The following MID2 variants were observed in gnomAD, a reference collection of about 807,000 sequenced individuals.
MID2 encodes probable E3 ubiquitin-protein ligase MID2.
In MID2, 13 loss-of-function variants were observed where a neutral mutation model predicts 46.1. That is an observed-to-expected ratio of 0.28 (90% CI 0.18 to 0.45). The LOEUF (loss-of-function observed/expected upper bound fraction) is 0.45, where lower values mean the gene tolerates loss of function less well. MID2 is among the 20% of genes least tolerant of loss of function. The pLI is 1.00. For missense variants in MID2, 431 were observed against 575.4 expected (o/e 0.75, Z 2.57); for synonymous variants, 199 against 212.3 (o/e 0.94, Z 0.55).
At chrX:107,893,060 A>G (rs1456531821) in intron 3 of MID2, among the ~76,000 whole-genome samples, 1 of 112,945 alleles carries the variant, frequency 8.9e-6, no homozygotes, top group Non-Finnish European at 1.9e-5. Context: ...CCTGTAATGT[A>G]TCCACATAAA....
intron 1 of MID2, among the ~76,000 whole-genome samples, chrX:107,839,202 T>G (rs951646039): frequency 9.0e-6 from 1 of 111,477 alleles, no homozygotes; most frequent in African/African-American, 3.3e-5. Context: ...ATATTTTTCC[T>G]TAGTTAAAGA....
chrX:107,833,146 T>A (rs1400747993), intron 1 of MID2, among the ~76,000 whole-genome samples: 1 of 111,623 alleles, frequency 9.0e-6, no homozygotes, highest in Non-Finnish European at 1.9e-5. Flanking sequence ...GTTGTGTTTT[T>A]AGGAGCTAGT....
Position 107,850,189 on chromosome X carries a change from GAC to G in MID2, c.721-4393_721-4392del, listed in dbSNP as rs201492124. Among the ~76,000 whole-genome samples the G allele has an allele frequency of 5.0e-4, 51 of 101,896 alleles. 1 individual carries two copies. The highest frequency in any genetic ancestry group is 2.2e-3 in the East Asian group (7 of 3,214). The allele number at this position is 101,896 out of a possible 115,157, so 88.5% of individuals were successfully genotyped here. A position where few individuals can be genotyped will look rare whatever the true frequency, so the allele number is the denominator to read the frequency against. On this transcript the variant is annotated intron_variant, in intron 2 of 9. Transcript: ENST00000262843. ...AGACACACACATCCACACACACACA[GAC>G]ACACACACACACACACACACACACA...
chrX:107,896,498 C>T (rs1278035002), intron 3 of MID2: 1 of 112,971 alleles, frequency 8.9e-6, no homozygotes, highest in African/African-American at 3.2e-5. Context: ...AGAATGGCCA[C>T]ATGGCATAAT....
intron 3 of MID2, among the ~76,000 whole-genome samples, chrX:107,867,560 G>A (rs1323263724): frequency 8.9e-6 from 1 of 111,733 alleles, no homozygotes; most frequent in Non-Finnish European, 1.9e-5. Flanking sequence ...TTAGGAGACT[G>A]TAGTAGCATT....
Position 107,927,130 on chromosome X carries a change from A to G in MID2, c.*57A>G. 1.9e-6 allele frequency: 2 copies of G among 1,036,414 alleles called. No individual in the cohort carries two copies. Among genetic ancestry groups the G allele is most frequent in the East Asian group, 3.1e-5 (1 of 32,666 alleles). The allele number at this position is 1,036,414 out of a possible 1,213,427, so 85.4% of individuals were successfully genotyped here. A position where few individuals can be genotyped will look rare whatever the true frequency, so the allele number is the denominator to read the frequency against. ...CTAGTTCAGCAGTTCTTCCCCTCCT[A>G]CACCTAAGTTAGCGTTCAATATACG... On this transcript the variant is annotated 3_prime_UTR_variant, in exon 10 of 10. Coordinates refer to ENST00000262843, the MANE Select transcript of MID2 (RefSeq NM_012216.4).
intron 3 of MID2, among the ~76,000 whole-genome samples, chrX:107,900,375 C>A (rs1189910128): frequency 9.0e-6 from 1 of 111,374 alleles, no homozygotes; most frequent in Non-Finnish European, 1.9e-5. Flanking sequence ...TAAAATCTTC[C>A]CTCAAGGAGC....
chrX:107,869,100 A>C (rs2147841885), intron 3 of MID2, among the ~76,000 whole-genome samples: 1 of 109,631 alleles, frequency 9.1e-6, no homozygotes, highest in African/African-American at 3.3e-5. Flanking sequence ...CGGTGGTTTT[A>C]TTTTTTATAT....
chrX:107,845,523 ACACTCT>A (rs1302911527), intron 2 of MID2, among the ~76,000 whole-genome samples: 3 of 85,952 alleles, frequency 3.5e-5, no homozygotes, highest in Non-Finnish European at 6.1e-5. Flanking sequence ...ACACACACAC[ACACTCT>A]CTCTCTCTCT....
At chrX:107,860,605 A>G (rs1931833369) in intron 3 of MID2, among the ~76,000 whole-genome samples, 1 of 112,660 alleles carries the variant, frequency 8.9e-6, no homozygotes, top group South Asian at 3.7e-4. Context: ...AAATAGAAAG[A>G]CGGTGTTGCT....
At chrX:107,911,620 A>T (rs1932897383) in intron 5 of MID2, among the ~76,000 whole-genome samples, 1 of 111,581 alleles carries the variant, frequency 9.0e-6, no homozygotes, top group African/African-American at 3.3e-5. Context: ...TTTCTCTGTT[A>T]GTTTAAATTG....
At chrX:107,885,694 A>C (rs1243421990) in intron 3 of MID2, among the ~76,000 whole-genome samples, 3 of 111,724 alleles carry the variant, frequency 2.7e-5, no homozygotes, top group Admixed American at 9.5e-5. Flanking sequence ...GAGGAATCGC[A>C]ACACTGACTT....
chrX:107,890,712 A>G (rs921006118), intron 3 of MID2, among the ~76,000 whole-genome samples: 1 of 111,846 alleles, frequency 8.9e-6, no homozygotes, highest in Non-Finnish European at 1.9e-5. Flanking sequence ...CCCTGCCCCC[A>G]GAGATGGAGT....
chrX:107,846,500 G>A (rs1200065380), intron 2 of MID2, among the ~76,000 whole-genome samples: 1 of 110,125 alleles, frequency 9.1e-6, no homozygotes, highest in African/African-American at 3.3e-5. Context: ...CTTCTCTGTG[G>A]TCTCTTAACT....
At chrX:107,828,310 C>CTTTTTTTTTTTTT (rs766362742) in intron 1 of MID2, among the ~76,000 whole-genome samples, 12 of 83,009 alleles carry the variant, frequency 1.4e-4, no homozygotes, top group Non-Finnish European at 2.0e-4. Context: ...TCTTTCTTTT[C>CTTTTTTTTTTTTT]TTTTTTTTTT....
chrX:107,839,951 CT>C (rs1003183276), intron 1 of MID2, among the ~76,000 whole-genome samples: 2 of 111,942 alleles, frequency 1.8e-5, no homozygotes, highest in Admixed American at 9.5e-5. Flanking sequence ...CCCCATTCAG[CT>C]TGATGAACTG....
intron 3 of MID2, among the ~76,000 whole-genome samples, chrX:107,886,278 C>A (rs1932450445): frequency 8.9e-6 from 1 of 112,070 alleles, no homozygotes; most frequent in Admixed American, 9.5e-5. Context: ...AGTCTTTAAT[C>A]CATCTTGAAT....
At chrX:107,915,975 A>C in intron 5 of MID2, 27 bp from the exon 6 acceptor site, 1 of 1,192,145 alleles carries the variant, frequency 8.4e-7, no homozygotes, top group East Asian at 3.0e-5. Flanking sequence ...ATTTTGATGT[A>C]TATTGATGTA....
intron 2 of MID2, among the ~76,000 whole-genome samples, chrX:107,843,430 T>C (rs767969598): frequency 1.6e-4 from 18 of 112,617 alleles, no homozygotes; most frequent in Admixed American, 1.3e-3. Flanking sequence ...TTTACCAAGA[T>C]ATATTTTAGT....
Sources: gnomAD v4.1 joint callset for allele counts (sites outside exome capture counted in the v4.1 genomes callset) on GRCh38, gnomAD v4.1.1 for gene constraint, MANE v1.5 for transcripts, NCBI Gene and HGNC (gene_info 2026-07-23, HGNC 2026-07-21) for gene names.